Variants in PDZRN3 observed in about 807,000 individuals in gnomAD.
PDZRN3 encodes PDZ domain containing ring finger 3.
A neutral mutation model predicts 85.7 loss-of-function variants in PDZRN3; 38 were observed. The ratio of observed to expected loss-of-function variants is 0.44; its 90% CI spans 0.34 to 0.58. The LOEUF (loss-of-function observed/expected upper bound fraction) is 0.58, where lower values mean the gene tolerates loss of function less well. Among genes scored for constraint, PDZRN3 ranks in the 20% least tolerant of loss-of-function variants. The pLI is 0.01. For missense variants in PDZRN3, 1,629 were observed against 1,506.4 expected, an observed-to-expected ratio of 1.08 and a Z score of -1.35; for synonymous variants, 759 against 638.0, an observed-to-expected ratio of 1.19 and a Z score of -2.86.
chr3:73,612,327 T>C (rs1702697395), intron 1 of PDZRN3, among the ~76,000 whole-genome samples: 1 of 152,158 alleles, frequency 6.6e-6, no homozygotes, highest in South Asian at 2.1e-4. Context: ...GTGCCTACGA[T>C]CTTTGTACTG....
chr3:73,518,301 C>CAA (rs1346279457), intron 3 of PDZRN3, among the ~76,000 whole-genome samples: 1 of 152,114 alleles, frequency 6.6e-6, no homozygotes, highest in Non-Finnish European at 1.5e-5. Flanking sequence ...CTAGAGTAGT[C>CAA]AAATTCAAGA....
chr3:73,389,674 T>G (rs1701478770), intron 7 of PDZRN3, 142 bp downstream of exon 7: 1 of 662,646 alleles, frequency 1.5e-6, no homozygotes, highest in African/African-American at 1.8e-5. Flanking sequence ...TAGTTTAACT[T>G]GTCTGGCCTC....
chr3:73,391,834 TC>T (rs1257546862), intron 5 of PDZRN3, among the ~76,000 whole-genome samples: 1 of 152,084 alleles, frequency 6.6e-6, no homozygotes, highest in East Asian at 1.9e-4. Flanking sequence ...GCTAAGTCAC[TC>T]CCCCGCCCAC....
intron 3 of PDZRN3, among the ~76,000 whole-genome samples, chr3:73,566,258 C>T (rs1701948360): frequency 1.3e-5 from 2 of 152,266 alleles, no homozygotes; most frequent in African/African-American, 2.4e-5. Flanking sequence ...ACGAGGATTG[C>T]AGAAAACCTC....
intron 3 of PDZRN3, among the ~76,000 whole-genome samples, chr3:73,419,463 T>C (rs1185948377): frequency 6.6e-6 from 1 of 152,194 alleles, no homozygotes; most frequent in Non-Finnish European, 1.5e-5. Flanking sequence ...ATGAGCATGC[T>C]GGAGGCAAAA....
chr3:73,443,266 C>A (rs1024704808), intron 3 of PDZRN3, among the ~76,000 whole-genome samples: 2 of 152,124 alleles, frequency 1.3e-5, no homozygotes, highest in Non-Finnish European at 2.9e-5. Flanking sequence ...TTGCAGCCAC[C>A]CCAGGACAAC....
intron 3 of PDZRN3, among the ~76,000 whole-genome samples, chr3:73,413,684 G>A (rs969912202): frequency 2.0e-5 from 3 of 152,166 alleles, no homozygotes; most frequent in Non-Finnish European, 4.4e-5. Context: ...AGGAGGCCGA[G>A]GTGTTCACCG....
intron 3 of PDZRN3, among the ~76,000 whole-genome samples, chr3:73,540,728 T>C (rs998100657): frequency 6.6e-6 from 1 of 152,172 alleles, no homozygotes; most frequent in Non-Finnish European, 1.5e-5. Flanking sequence ...CAGAACTGAG[T>C]CAATTAAACC....
intron 5 of PDZRN3, among the ~76,000 whole-genome samples, chr3:73,394,242 T>A (rs1391755893): frequency 3.9e-5 from 6 of 152,370 alleles, no homozygotes; most frequent in Non-Finnish European, 5.9e-5. Flanking sequence ...CGATTCTCCA[T>A]AAATGCAGTT....
intron 5 of PDZRN3, among the ~76,000 whole-genome samples, chr3:73,392,299 T>TCA (rs1464266569): frequency 2.0e-5 from 3 of 152,100 alleles, no homozygotes; most frequent in Non-Finnish European, 4.4e-5. Context: ...CCAGCATGAG[T>TCA]AGCTAAGATT....
rs577888423 is a variant in PDZRN3 at position 73,397,461 on chromosome 3, C to T, written c.1254+3461G>A. On this transcript the variant is annotated intron_variant, in intron 5 of 9. Transcript: ENST00000263666. ...AGACTGCGACTGTTCTAAGAAATCT[C>T]GTGTAGAAGCAGGGATGACAGGCAT... Among the ~76,000 whole-genome samples, 19 of 152,296 alleles carry T rather than the reference C, an allele frequency of 1.2e-4. 1 individual carries two copies. In the South Asian group the frequency reaches 2.9e-3, roughly 23 times the overall value.
intron 5 of PDZRN3, among the ~76,000 whole-genome samples, chr3:73,392,637 G>T (rs1267850295): frequency 1.3e-5 from 2 of 152,158 alleles, no homozygotes; most frequent in Non-Finnish European, 2.9e-5. Context: ...TTACATGCAG[G>T]TATGGTTACT....
chr3:73,508,262 G>T (rs367636418), intron 3 of PDZRN3, among the ~76,000 whole-genome samples: 23 of 152,278 alleles, frequency 1.5e-4, no homozygotes, highest in South Asian at 1.0e-3. Context: ...CTTGAACAAG[G>T]AGCAAGGCCT....
chr3:73,614,314 T>C (rs1170237576), intron 1 of PDZRN3, among the ~76,000 whole-genome samples: 1 of 152,172 alleles, frequency 6.6e-6, no homozygotes, highest in African/African-American at 2.4e-5. Flanking sequence ...CTTTTCTCTT[T>C]AGTATTACTC....
chr3:73,568,270 CTTT>C (rs200481607), intron 3 of PDZRN3, among the ~76,000 whole-genome samples: 1 of 151,248 alleles, frequency 6.6e-6, no homozygotes, highest in African/African-American at 2.4e-5. Flanking sequence ...ACAGGAAAGT[CTTT>C]TTTTTTCTTT....
chr3:73,383,818 C>T lies in PDZRN3; in HGVS notation c.2748G>A (p.Glu916=). 1 of 1,613,842 alleles carries T rather than the reference C, an allele frequency of 6.2e-7. No individual in the cohort carries two copies. Among genetic ancestry groups the T allele is most frequent in the Non-Finnish European group, 8.5e-7 (1 of 1,180,020 alleles). The change falls in exon 10 of 10, where the codon GAG becomes GAA. Residue 916 remains glutamate, a synonymous_variant. Coordinates refer to ENST00000263666, the MANE Select transcript of PDZRN3 (RefSeq NM_015009.3). ...TCTTCACCTTCCACTCCATGCGCGG[C>T]TCCGACGGGGTGGGAGAGCTCAGGT... ...CKDLSSPTPS[E]PRMEWKVKIR... is the part of the protein sequence containing the mutation.
chr3:73,401,755 G>A (rs924782059), intron 4 of PDZRN3: 1 of 152,176 alleles, frequency 6.6e-6, no homozygotes, highest in African/African-American at 2.4e-5. Context: ...AAGGCAGTGG[G>A]AATCATAACA....
intron 3 of PDZRN3, among the ~76,000 whole-genome samples, chr3:73,468,741 T>C (rs1300087883): frequency 6.6e-6 from 1 of 152,186 alleles, no homozygotes; most frequent in Non-Finnish European, 1.5e-5. Flanking sequence ...TGTTGACTGA[T>C]GCAAAAGTGC....
At chr3:73,400,271 T>C (rs536956564) in intron 5 of PDZRN3, among the ~76,000 whole-genome samples, 31 of 152,298 alleles carry the variant, frequency 2.0e-4, no homozygotes, top group African/African-American at 6.7e-4. Context: ...GTTTTCTGTA[T>C]TTTCTATCAC....
Sources: gnomAD v4.1 joint callset for allele counts (sites outside exome capture counted in the v4.1 genomes callset) on GRCh38, gnomAD v4.1.1 for gene constraint, MANE v1.5 for transcripts, NCBI Gene and HGNC (gene_info 2026-07-23, HGNC 2026-07-21) for gene names.